The following P2RY8 variants were observed in gnomAD, a reference collection of about 807,000 sequenced individuals.
P2RY8 encodes P2Y receptor family member 8, also known as S-geranylgeranyl-glutathione receptor P2RY8.
Under a neutral mutation model 10.0 loss-of-function variants are expected in P2RY8, and 6 were observed. That is an observed-to-expected ratio of 0.60 (90% CI 0.33 to 1.19). The LOEUF is 1.19. Ranked by LOEUF, P2RY8 falls within the 50% of genes most tolerant of loss-of-function variation. The pLI, the probability that P2RY8 is intolerant of heterozygous loss-of-function variation, is 0.04. For synonymous variants in P2RY8, 276 were observed against 252.5 expected (o/e 1.09, Z -0.88); for missense variants, 456 against 542.0 (o/e 0.84, Z 1.58).
intron 1 of P2RY8, among the ~76,000 whole-genome samples, chrX:1,535,085 T>C (rs2092514129): frequency 1.3e-5 from 2 of 151,860 alleles, no homozygotes; most frequent in African/African-American, 4.8e-5. Flanking sequence ...GGGAGGCCAA[T>C]ATTTGGGAAA....
At chrX:1,506,360 T>C (rs1271684007) in intron 1 of P2RY8, among the ~76,000 whole-genome samples, 1 of 152,086 alleles carries the variant, frequency 6.6e-6, no homozygotes, top group Non-Finnish European at 1.5e-5. Flanking sequence ...GGAGGCTAAT[T>C]GGGTAGACAA....
chrX:1,484,718 A>T (rs2091970227), intron 1 of P2RY8, among the ~76,000 whole-genome samples: 1 of 82,252 alleles, frequency 1.2e-5, no homozygotes, highest in Admixed American at 1.6e-4. Flanking sequence ...ACAGAGCAAA[A>T]CCCTGTAAAA....
intron 1 of P2RY8, among the ~76,000 whole-genome samples, chrX:1,514,693 T>TCCCTTCCTTCCCTTC (rs1364564926): frequency 3.4e-3 from 2 of 586 alleles, no homozygotes; most frequent in Non-Finnish European, 3.8e-3. Flanking sequence ...TCCCTTCCCT[T>TCCCTTCCTTCCCTTC]CCTTCCCTTC....
chrX:1,475,479 G>C (rs1428800161), intron 1 of P2RY8, among the ~76,000 whole-genome samples: 2 of 151,972 alleles, frequency 1.3e-5, no homozygotes, highest in Non-Finnish European at 2.9e-5. Context: ...CTCCAGGATG[G>C]GGAGAGAATG....
intron 1 of P2RY8, among the ~76,000 whole-genome samples, chrX:1,532,374 TATG>T (rs1194344255): frequency 9.3e-5 from 14 of 150,478 alleles, no homozygotes; most frequent in African/African-American, 2.4e-4. Flanking sequence ...CATATACGTA[TATG>T]ATGTGTGTAT....
At chrX:1,482,484 G>T (rs1436254580) in intron 1 of P2RY8, among the ~76,000 whole-genome samples, 2 of 152,056 alleles carry the variant, frequency 1.3e-5, no homozygotes, top group Non-Finnish European at 2.9e-5. Context: ...AGGAAGGTTC[G>T]CAGGCTTGAC....
chrX:1,467,416 G>A (rs1287936686), intron 1 of P2RY8, among the ~76,000 whole-genome samples: 1 of 152,084 alleles, frequency 6.6e-6, no homozygotes, highest in Non-Finnish European at 1.5e-5. Flanking sequence ...CCGTGCCCAG[G>A]TGTGAAACCT....
At chrX:1,506,923 A>G (rs1370131511) in intron 1 of P2RY8, among the ~76,000 whole-genome samples, 1 of 134,622 alleles carries the variant, frequency 7.4e-6, no homozygotes, top group Non-Finnish European at 1.6e-5. Flanking sequence ...TGATCCGCCC[A>G]CCTAGGCCTC....
Position 1,465,739 on chromosome X carries a change from C to G in P2RY8, c.820G>C (p.Val274Leu). Residue 274 changes from valine (V) to leucine (L), a missense_variant, in exon 2 of 2, where the codon GTG becomes CTG. Coordinates refer to ENST00000381297, the MANE Select transcript of P2RY8 (RefSeq NM_178129.5). ...CTGAGACACAGCGTGAGCTTGTACA[C>G]GTGGTAGTAGCTCTTGCCGTAGAAC... ...RLFYGKSYYH[V>L]YKLTLCLSCL... is the part of the protein sequence containing the mutation. 6.2e-7 allele frequency: 1 copy of G among 1,613,696 alleles called. No homozygotes were observed. Among genetic ancestry groups the G allele is most frequent in the Non-Finnish European group, 8.5e-7 (1 of 1,179,842 alleles).
intron 1 of P2RY8, among the ~76,000 whole-genome samples, chrX:1,483,008 G>A (rs1170465503): frequency 3.7e-4 from 56 of 152,102 alleles, no homozygotes; most frequent in Admixed American, 7.2e-4. Context: ...ACGAGTTAAT[G>A]GGTGCAGCAC....
At chrX:1,480,920 A>G (rs2091927867) in intron 1 of P2RY8, among the ~76,000 whole-genome samples, 1 of 150,914 alleles carries the variant, frequency 6.6e-6, no homozygotes, top group African/African-American at 2.5e-5. Context: ...AAAAAAAACC[A>G]TTTAAACATG....
chrX:1,482,734 A>G (rs1167083205), intron 1 of P2RY8, among the ~76,000 whole-genome samples: 1 of 152,168 alleles, frequency 6.6e-6, no homozygotes, highest in Non-Finnish European at 1.5e-5. Context: ...AAAATGTGGC[A>G]CATATACACC....
chrX:1,525,818 C>T (rs1339932265), intron 1 of P2RY8, among the ~76,000 whole-genome samples: 4 of 151,676 alleles, frequency 2.6e-5, no homozygotes, highest in Admixed American at 6.6e-5. Context: ...ACTATTCATT[C>T]GCCCATTCAT....
chrX:1,524,668 T>TCCACCCA (rs1480540741), intron 1 of P2RY8, among the ~76,000 whole-genome samples: 1 of 86,630 alleles, frequency 1.2e-5, no homozygotes. Context: ...CATCCATCCA[T>TCCACCCA]TCATCCATCC....
chrX:1,511,899 C>T (rs187921551), intron 1 of P2RY8, among the ~76,000 whole-genome samples: 1,638 of 152,264 alleles, frequency 0.011, 35 homozygotes, highest in African/African-American at 0.037. Flanking sequence ...CCACATCACT[C>T]GCTGACAACA....
At chrX:1,534,325 G>C (rs1395259785) in intron 1 of P2RY8, among the ~76,000 whole-genome samples, 3 of 149,766 alleles carry the variant, frequency 2.0e-5, no homozygotes, top group Non-Finnish European at 4.4e-5. Context: ...TTTATCCTAA[G>C]TGAACACAGA....
chrX:1,495,885 T>G (rs2092111804), intron 1 of P2RY8, among the ~76,000 whole-genome samples: 1 of 133,580 alleles, frequency 7.5e-6, no homozygotes, highest in Non-Finnish European at 1.7e-5. Flanking sequence ...CTAAGACACC[T>G]CATAAGAAGA....
At chrX:1,471,135 G>T (rs1375528554) in intron 1 of P2RY8, among the ~76,000 whole-genome samples, 1 of 151,820 alleles carries the variant, frequency 6.6e-6, no homozygotes, top group African/African-American at 2.4e-5. Flanking sequence ...AGCCTCTGGA[G>T]TAGCTGGGAC....
At chrX:1,509,514 T>TCCA (rs2092276403) in intron 1 of P2RY8, among the ~76,000 whole-genome samples, 1 of 113,604 alleles carries the variant, frequency 8.8e-6, no homozygotes, top group Non-Finnish European at 1.8e-5. Context: ...CATCCATCCA[T>TCCA]TCATCCATCC....
Sources: allele counts gnomAD v4.1 joint callset (sites outside exome capture counted in the v4.1 genomes callset), GRCh38; gene constraint gnomAD v4.1.1; transcripts MANE v1.5; gene names NCBI Gene and HGNC (gene_info 2026-07-23, HGNC 2026-07-21).